DMXL2: variants seen among roughly 807,000 people sequenced by gnomAD.
DMXL2 encodes the protein dmX-like protein 2.
Under a neutral mutation model 331.1 loss-of-function variants are expected in DMXL2, and 103 were observed. The ratio of observed to expected loss-of-function variants is 0.31; its 90% CI spans 0.27 to 0.37. The LOEUF (loss-of-function observed/expected upper bound fraction) is 0.37. Among genes scored for constraint, DMXL2 ranks in the 10% least tolerant of loss-of-function variants. The probability of loss-of-function intolerance (pLI) is 1.00; values close to 1 mark genes in which losing one functional copy is unlikely to be tolerated. For missense variants in DMXL2, 3,171 were observed against 3,642.9 expected, an observed-to-expected ratio of 0.87 and a Z score of 3.33; for synonymous variants, 1,281 against 1,252.1, an observed-to-expected ratio of 1.02 and a Z score of -0.49.
At chr15:51,474,809 A>C (rs1279313677) in intron 27 of DMXL2, among the ~76,000 whole-genome samples, 1 of 152,212 alleles carries the variant, frequency 6.6e-6, no homozygotes, top group African/African-American at 2.4e-5. Flanking sequence ...TAGATAAACA[A>C]AAGGTAAGAA....
intron 1 of DMXL2, among the ~76,000 whole-genome samples, chr15:51,587,679 T>C (rs529582049): frequency 9.2e-5 from 14 of 152,346 alleles, no homozygotes; most frequent in African/African-American, 3.1e-4. Context: ...TTTGGGTATA[T>C]AGCCAGTAAT....
intron 27 of DMXL2, 44 bp from the exon 28 acceptor site, chr15:51,474,636 C>A (rs769595674): frequency 1.3e-6 from 2 of 1,511,654 alleles, no homozygotes; most frequent in Non-Finnish European, 1.8e-6. Context: ...CAGGATGAAG[C>A]ACCAGAAGGA....
intron 29 of DMXL2, among the ~76,000 whole-genome samples, chr15:51,469,270 G>A (rs1192226243): frequency 6.6e-6 from 1 of 151,518 alleles, no homozygotes; most frequent in Non-Finnish European, 1.5e-5. Flanking sequence ...TCCAAACAAA[G>A]TAGTGGGGAG....
chr15:51,574,384 C>A (rs2050874669), intron 2 of DMXL2, among the ~76,000 whole-genome samples: 2 of 152,178 alleles, frequency 1.3e-5, no homozygotes, highest in South Asian at 2.1e-4. Flanking sequence ...GACACCTCTG[C>A]ACCCTGGTTA....
intron 1 of DMXL2, among the ~76,000 whole-genome samples, chr15:51,596,617 C>A (rs1393690019): frequency 6.6e-6 from 1 of 152,192 alleles, no homozygotes; most frequent in Non-Finnish European, 1.5e-5. Context: ...AAGACACATG[C>A]ACACATATGT....
intron 20 of DMXL2, 32 bp downstream of exon 20, chr15:51,491,546 A>G: frequency 3.2e-6 from 5 of 1,562,016 alleles, no homozygotes; most frequent in Non-Finnish European, 4.3e-6. Context: ...GGTTTTTTTA[A>G]TATAACTCAA....
At chr15:51,504,844 G>C (rs200443207) in intron 16 of DMXL2, among the ~76,000 whole-genome samples, 4 of 152,184 alleles carry the variant, frequency 2.6e-5, no homozygotes, top group South Asian at 4.1e-4. Flanking sequence ...GCAAACTAAG[G>C]TTAAACTACA....
intron 1 of DMXL2, among the ~76,000 whole-genome samples, chr15:51,595,120 G>A (rs1288769371): frequency 6.6e-6 from 1 of 152,170 alleles, no homozygotes; most frequent in Non-Finnish European, 1.5e-5. Context: ...AGGAAAAGAG[G>A]AAGTCAAATT....
rs2040558904 is a variant in DMXL2, at chr15:51,466,245, C to T, written c.7459G>A (p.Glu2487Lys). ...GTATCTGAAAAAAAGGCATCATCTT[C>T]TTCATCACTATGAATGCTTTCATCA... Reference protein sequence around the residue: ...DSDESIHSDEEDDAFFSDTQI... With the variant: ...DSDESIHSDEKDDAFFSDTQI... Residue 2487 changes from glutamate (E) to lysine (K), a missense_variant, in exon 30 of 44, where the codon GAA becomes AAA. Around this residue, in one of 7 missense-constraint regions of DMXL2, gnomAD observed 766 missense variants for 940.5 expected, o/e 0.81. Coordinates refer to ENST00000560891, the MANE Select transcript of DMXL2 (RefSeq NM_001378457.1). 1 of 1,575,986 alleles carries T rather than the reference C, an allele frequency of 6.3e-7. No individual in the cohort carries two copies. Among genetic ancestry groups the T allele is most frequent in the Admixed American group, 1.9e-5 (1 of 53,488 alleles).
At chr15:51,530,587 TAAAAA>T (rs550510463) in intron 13 of DMXL2, among the ~76,000 whole-genome samples, 1 of 120,200 alleles carries the variant, frequency 8.3e-6, no homozygotes. Flanking sequence ...CCATCTCTAC[TAAAAA>T]AAAAAAAAAA....
At chr15:51,487,825 A>T in intron 22 of DMXL2, 129 bp downstream of exon 22, 1 of 733,392 alleles carries the variant, frequency 1.4e-6, no homozygotes, top group Non-Finnish European at 2.0e-6. Context: ...CCACTATTTT[A>T]AGTACAGCAA....
intron 20 of DMXL2, among the ~76,000 whole-genome samples, chr15:51,491,356 G>A (rs755064483): frequency 6.6e-6 from 1 of 151,938 alleles, no homozygotes; most frequent in Non-Finnish European, 1.5e-5. Context: ...CAGGAAAATC[G>A]CTTGAACCCA....
intron 13 of DMXL2, among the ~76,000 whole-genome samples, chr15:51,522,188 GC>G (rs1299972097): frequency 2.0e-5 from 3 of 152,162 alleles, no homozygotes; most frequent in African/African-American, 7.2e-5. Flanking sequence ...TAAATAGCCT[GC>G]TAAACATAAA....
intron 13 of DMXL2, among the ~76,000 whole-genome samples, chr15:51,518,982 A>C (rs2047191561): frequency 6.6e-6 from 1 of 152,214 alleles, no homozygotes; most frequent in Admixed American, 6.5e-5. Context: ...AATCAAGAAA[A>C]ATAATATTTT....
chr15:51,496,442 C>T (rs911414470), intron 18 of DMXL2, among the ~76,000 whole-genome samples: 2 of 152,096 alleles, frequency 1.3e-5, no homozygotes, highest in Non-Finnish European at 2.9e-5. Context: ...AAGGAACAAG[C>T]CATGCATGAA....
chr15:51,499,783 C>T lies in DMXL2; in HGVS notation c.3441G>A (p.Val1147=), dbSNP rs1019493147. The T allele has an allele frequency of 3.7e-6, 6 of 1,614,002 alleles. 1 individual carries two copies. The Admixed American group carries it at 8.3e-5, about 22-fold the overall frequency. ...SRVSVDSNLF[V]YSKSDALLSK... ...TCAAGAGTGCATCTGACTTGCTATA[C>T]ACAAACAGATTACTGTCGACGCTGA... is the stretch of plus-strand genomic sequence containing the variant. The change falls in exon 18 of 44, where the codon GTG becomes GTA. Residue 1147 remains valine, a synonymous_variant. Transcript: ENST00000560891.
chr15:51,534,578 C>T (rs559374462), intron 13 of DMXL2, among the ~76,000 whole-genome samples: 3 of 152,316 alleles, frequency 2.0e-5, no homozygotes, highest in Admixed American at 6.5e-5. Flanking sequence ...GGGAATAAAG[C>T]ATCAGATGGC....
At chr15:51,536,932 A>C in intron 11 of DMXL2, 70 bp from the exon 12 acceptor site, 5 of 1,278,076 alleles carry the variant, frequency 3.9e-6, no homozygotes, top group Admixed American at 2.4e-5. Context: ...TTCTATTCTC[A>C]AAATACCAAA....
At chr15:51,574,873 T>C (rs1221384016) in intron 2 of DMXL2, among the ~76,000 whole-genome samples, 20 of 152,200 alleles carry the variant, frequency 1.3e-4, no homozygotes, top group Non-Finnish European at 1.5e-5. Flanking sequence ...TCACCAGCAC[T>C]TGAGTTATTT....
Sources: gnomAD v4.1 joint callset for allele counts (sites outside exome capture counted in the v4.1 genomes callset) on GRCh38, gnomAD v4.1.1 for gene constraint, gnomAD v4.1.1 regional missense constraint, MANE v1.5 for transcripts, NCBI Gene and HGNC (gene_info 2026-07-23, HGNC 2026-07-21) for gene names.